Variants in TAFA2 observed in about 807,000 individuals in gnomAD.
TAFA2 encodes chemokine-like protein TAFA-2.
TAFA2 carries 7 observed loss-of-function variants against 18.8 expected under a neutral mutation model. The observed-to-expected ratio is 0.37, with a 90% CI of 0.21 to 0.70. The LOEUF (loss-of-function observed/expected upper bound fraction) is 0.70, where lower values mean the gene tolerates loss of function less well. Ranked by LOEUF, TAFA2 falls within the 30% of genes least tolerant of loss-of-function variation. TAFA2 has a pLI of 0.53. For missense variants in TAFA2, 122 were observed against 158.1 expected (o/e 0.77, Z 1.23); for synonymous variants, 60 against 54.2 (o/e 1.11, Z -0.47).
rs188930571 is a variant in TAFA2, at chr12:61,808,247, T to G, written c.107-53223A>C. ...ATCTGATGATATTATAAGGGTGAGT[T>G]TCCCTGCACAAGCTCTCTTCTCTTG... On this transcript the variant is annotated intron_variant, in intron 2 of 4. Coordinates refer to ENST00000416284, the MANE Select transcript of TAFA2 (RefSeq NM_178539.5). Among the ~76,000 whole-genome samples, 9 of 151,574 alleles carry G rather than the reference T, an allele frequency of 5.9e-5. 1 individual carries two copies. Among genetic ancestry groups the G allele is most frequent in the African/African-American group, 2.0e-4 (8 of 40,870 alleles).
At chr12:62,080,206 C>A (rs1174973201) in intron 1 of TAFA2, among the ~76,000 whole-genome samples, 1 of 152,224 alleles carries the variant, frequency 6.6e-6, no homozygotes, top group Non-Finnish European at 1.5e-5. Context: ...AACAAAGATT[C>A]TCCCTTATGT....
chr12:61,745,412 C>T (rs2120718840), intron 4 of TAFA2, among the ~76,000 whole-genome samples: 1 of 152,040 alleles, frequency 6.6e-6, no homozygotes. Context: ...CCCAGCAAAG[C>T]TCTCATCTCA....
intron 4 of TAFA2, among the ~76,000 whole-genome samples, chr12:61,744,053 C>T (rs1481394425): frequency 3.3e-5 from 5 of 152,040 alleles, no homozygotes; most frequent in Non-Finnish European, 2.9e-5. Flanking sequence ...CCCAGGAATG[C>T]TTACCTTTAA....
Position 61,902,033 on chromosome 12 carries a change from C to T in TAFA2, c.-1-34607G>A, listed in dbSNP as rs1312288489. 4.7e-5 allele frequency among the ~76,000 whole-genome samples: 7 copies of T among 149,240 alleles called. No homozygotes were observed. In the South Asian group the frequency reaches 1.3e-3, roughly 27 times the overall value. On this transcript the variant is annotated intron_variant, in intron 1 of 4. Coordinates refer to ENST00000416284, the MANE Select transcript of TAFA2 (RefSeq NM_178539.5). ...GTGGATACCACTTCCATCTCTGAAC[C>T]TCTGCCAGTTAAACTATTTTATTAA... is the stretch of plus-strand genomic sequence containing the variant.
rs545226901 is a variant in TAFA2 at position 62,131,360 on chromosome 12, C to T, written c.-2+59899G>A. On this transcript the variant is annotated intron_variant, in intron 1 of 4. Coordinates refer to ENST00000416284, the MANE Select transcript of TAFA2 (RefSeq NM_178539.5). ...CTTACCCAACAGCAAATAGTTAGCT[C>T]CTCCCTATTAAGGGCTGGATGCCGG... Among the ~76,000 whole-genome samples, 3 of 152,132 alleles carry T rather than the reference C, an allele frequency of 2.0e-5. No homozygotes were observed. The East Asian group carries it at 5.8e-4, about 29-fold the overall frequency.
At chr12:62,078,442 G>C (rs1387613897) in intron 1 of TAFA2, among the ~76,000 whole-genome samples, 1 of 148,016 alleles carries the variant, frequency 6.8e-6, no homozygotes, top group Non-Finnish European at 1.5e-5. Flanking sequence ...AACTGGATCA[G>C]ATCCAGCCAG....
intron 1 of TAFA2, among the ~76,000 whole-genome samples, chr12:61,986,411 G>GC (rs1879820461): frequency 6.7e-6 from 1 of 149,832 alleles, no homozygotes; most frequent in African/African-American, 2.5e-5. Flanking sequence ...TGATCTGCCT[G>GC]CCTCAGCCTC....
chr12:62,151,899 T>C (rs2062331305), intron 1 of TAFA2, among the ~76,000 whole-genome samples: 2 of 152,226 alleles, frequency 1.3e-5, no homozygotes, highest in South Asian at 4.1e-4. Flanking sequence ...CAGATACAGT[T>C]ACCTAGTGAA....
chr12:62,136,842 G>A (rs1870914909), intron 1 of TAFA2, among the ~76,000 whole-genome samples: 1 of 152,106 alleles, frequency 6.6e-6, no homozygotes, highest in Non-Finnish European at 1.5e-5. Context: ...GGTAATGTTT[G>A]GGGGGACATG....
At chr12:62,123,350 G>A (rs182792140) in intron 1 of TAFA2, among the ~76,000 whole-genome samples, 43 of 152,084 alleles carry the variant, frequency 2.8e-4, no homozygotes, top group Admixed American at 1.4e-3. Flanking sequence ...CTCAGATGTA[G>A]GTGCACACAC....
chr12:61,715,678 C>A (rs571053051), intron 4 of TAFA2, among the ~76,000 whole-genome samples: 2 of 151,148 alleles, frequency 1.3e-5, no homozygotes, highest in South Asian at 2.1e-4. Context: ...GGGGCTGAAG[C>A]AGGAGGATTG....
intron 4 of TAFA2, among the ~76,000 whole-genome samples, chr12:61,722,004 C>T (rs1013395125): frequency 9.9e-5 from 15 of 151,676 alleles, no homozygotes; most frequent in South Asian, 2.1e-4. Flanking sequence ...AGTACTCCAG[C>T]GATATCAAAA....
chr12:61,955,517 G>A (rs1459350090), intron 1 of TAFA2, among the ~76,000 whole-genome samples: 9 of 139,690 alleles, frequency 6.4e-5, no homozygotes, highest in Non-Finnish European at 9.1e-5. Flanking sequence ...CAGGAAAATC[G>A]CTTGAACCTG....
intron 4 of TAFA2, among the ~76,000 whole-genome samples, chr12:61,747,279 A>G (rs1050331372): frequency 6.8e-6 from 1 of 146,622 alleles, no homozygotes; most frequent in Non-Finnish European, 1.5e-5. Flanking sequence ...ACTGTAAACT[A>G]GTTCAACCAT....
chr12:62,197,118 G>C (rs1565776979), upstream of TAFA2, among the ~76,000 whole-genome samples: 3 of 152,208 alleles, frequency 2.0e-5, no homozygotes, highest in African/African-American at 7.2e-5. Flanking sequence ...CTCCTTATGA[G>C]AATCTAATGC....
intron 1 of TAFA2, among the ~76,000 whole-genome samples, chr12:62,090,547 C>T (rs1278930274): frequency 6.6e-6 from 1 of 151,916 alleles, no homozygotes; most frequent in East Asian, 1.9e-4. Context: ...GTGAATAAGC[C>T]ATTTTCCTTT....
intron 1 of TAFA2, among the ~76,000 whole-genome samples, chr12:62,012,166 A>G (rs972555078): frequency 2.0e-5 from 3 of 152,196 alleles, no homozygotes; most frequent in African/African-American, 7.2e-5. Flanking sequence ...TTTAGTGGTG[A>G]TAAGAAGAAC....
At chr12:62,067,010 C>T (rs998586515) in intron 1 of TAFA2, among the ~76,000 whole-genome samples, 1 of 152,064 alleles carries the variant, frequency 6.6e-6, no homozygotes, top group African/African-American at 2.4e-5. Flanking sequence ...GCCATTTTAA[C>T]TGGGATGAGA....
At chr12:62,019,446 T>G (rs1881047911) in intron 1 of TAFA2, among the ~76,000 whole-genome samples, 1 of 144,926 alleles carries the variant, frequency 6.9e-6, no homozygotes, top group Non-Finnish European at 1.5e-5. Flanking sequence ...ATAGACTGGA[T>G]TAAGAAAATG....
Sources: gnomAD v4.1 joint callset for allele counts (sites outside exome capture counted in the v4.1 genomes callset) on GRCh38, gnomAD v4.1.1 for gene constraint, MANE v1.5 for transcripts, NCBI Gene and HGNC (gene_info 2026-07-23, HGNC 2026-07-21) for gene names.